RASA3: variants seen among roughly 807,000 people sequenced by gnomAD.
RASA3 encodes ras GTPase-activating protein 3.
A neutral mutation model predicts 110.0 loss-of-function variants in RASA3; 73 were observed. The ratio of observed to expected loss-of-function variants is 0.66; its 90% CI spans 0.55 to 0.81. RASA3 has a LOEUF of 0.81. RASA3 is among the 30% of genes least tolerant of loss of function. RASA3 has a pLI of 0.00. For synonymous variants in RASA3, 500 were observed against 451.4 expected (o/e 1.11, Z -1.37); for missense variants, 976 against 1,113.2 (o/e 0.88, Z 1.75).
chr13:114,026,419 G>A (rs1260012120), intron 7 of RASA3, among the ~76,000 whole-genome samples: 2 of 152,236 alleles, frequency 1.3e-5, no homozygotes, highest in African/African-American at 2.4e-5. Context: ...TGAGGCTTCC[G>A]TTTGAGACAG....
chr13:114,068,171 G>T lies in RASA3; in HGVS notation c.173+5549C>A, dbSNP rs373799002. Among the ~76,000 whole-genome samples, 11 of 152,336 alleles carry T rather than the reference G, an allele frequency of 7.2e-5. No individual in the cohort carries two copies. The South Asian group carries it at 2.3e-3, about 32-fold the overall frequency. Reference sequence around the variant, plus strand: ...GGCCACGGCCCCTTCTCCCCGAGATGGGCATGCAAATGAACCCTGCAAAGG... The same window carrying T: ...GGCCACGGCCCCTTCTCCCCGAGATTGGCATGCAAATGAACCCTGCAAAGG... On this transcript the variant is annotated intron_variant, in intron 2 of 23. Transcript: ENST00000334062.
At chr13:114,101,891 C>T (rs1340954471) in intron 1 of RASA3, among the ~76,000 whole-genome samples, 1 of 152,150 alleles carries the variant, frequency 6.6e-6, no homozygotes, top group Non-Finnish European at 1.5e-5. Context: ...CCCTGGACCA[C>T]GGCACAAGGA....
chr13:114,016,277 G>GA lies in RASA3; in HGVS notation c.1207-7dup, dbSNP rs1275808105. On this transcript the variant is annotated splice_polypyrimidine_tract_variant and splice_region_variant and intron_variant, in intron 12 of 23. Transcript: ENST00000334062. Reference sequence around the variant, plus strand: ...GGTTTGTGGCTCTGGCATATCTGGGGAGAGGTTTAAGACAGGGCTCTGTGA... The same window carrying GA: ...GGTTTGTGGCTCTGGCATATCTGGGGAAGAGGTTTAAGACAGGGCTCTGTGA... 1.3e-6 allele frequency: 2 copies of GA among 1,580,096 alleles called. No homozygotes were observed. The highest frequency in any genetic ancestry group is 2.7e-5 in the African/African-American group (2 of 74,102).
Position 113,981,660 on chromosome 13 carries a change from G to C in RASA3, c.2429+15C>G. 6.2e-7 allele frequency: 1 copy of C among 1,604,592 alleles called. No homozygotes were observed. Among genetic ancestry groups the C allele is most frequent in the South Asian group, 1.1e-5 (1 of 90,726 alleles). On this transcript the variant is annotated intron_variant, in intron 23 of 23. Coordinates refer to ENST00000334062, the MANE Select transcript of RASA3 (RefSeq NM_007368.4). The stretch of plus-strand genomic sequence containing the variant: ...TACACTGGCCGTCCAGGGCAGGCAC[G>C]GGAGTGGCACTCACTGGCTTCCATA...
chr13:114,015,246 G>C lies in RASA3; in HGVS notation c.1368C>G (p.Phe456Leu). ...VSCPTVMCDIFFSLREAAAKR... is the reference protein window; with the variant it reads ...VSCPTVMCDILFSLREAAAKR... ...TGGCCGCCGCCTCCCGGAGGGAGAAGAAGATGTCACACATGACGGTCGGGC... is the reference window on the plus strand; with the variant it reads ...TGGCCGCCGCCTCCCGGAGGGAGAACAAGATGTCACACATGACGGTCGGGC... Residue 456 changes from phenylalanine (F) to leucine (L), a missense_variant, in exon 14 of 24, where the codon TTC becomes TTG. Phe to Leu is a conservative substitution (Grantham distance 22, BLOSUM62 0). Coordinates refer to ENST00000334062, the MANE Select transcript of RASA3 (RefSeq NM_007368.4). 6.2e-7 allele frequency: 1 copy of C among 1,613,202 alleles called. No homozygotes were observed. The highest frequency in any genetic ancestry group is 1.3e-5 in the African/African-American group (1 of 75,062).
chr13:114,104,716 G>A (rs368295002), intron 1 of RASA3, among the ~76,000 whole-genome samples: 2 of 152,136 alleles, frequency 1.3e-5, no homozygotes, highest in South Asian at 2.1e-4. Flanking sequence ...TTGGTTTTCC[G>A]TTCCTTATTT....
At chr13:114,107,230 G>A (rs989431517) in intron 1 of RASA3, among the ~76,000 whole-genome samples, 3 of 152,066 alleles carry the variant, frequency 2.0e-5, no homozygotes, top group African/African-American at 7.2e-5. Context: ...GGACAGGCCT[G>A]TGTGTCCCAC....
chr13:114,117,971 A>G (rs561716141), intron 1 of RASA3, among the ~76,000 whole-genome samples: 1 of 151,860 alleles, frequency 6.6e-6, no homozygotes, highest in African/African-American at 2.4e-5. Context: ...ATGCACACGC[A>G]CCTGTGTGCA....
chr13:114,093,454 G>A (rs1161614147), intron 1 of RASA3, among the ~76,000 whole-genome samples: 1 of 152,234 alleles, frequency 6.6e-6, no homozygotes, highest in Non-Finnish European at 1.5e-5. Context: ...TCCCCAAAAT[G>A]TTGTTTGCTT....
In RASA3 at chr13:113,998,262, C is replaced by CTT. The variant is rs1385393846; in HGVS notation, c.1932+1322_1932+1323insAA. On this transcript the variant is annotated intron_variant, in intron 20 of 23. Transcript: ENST00000334062. ...CCACACCCTCCTCTTCCCATCTCCC[C>CTT]CTCTTCCCAACCCTTCTCTTCCCAG... Among the ~76,000 whole-genome samples, 896 of 152,028 alleles carry CTT rather than the reference C, an allele frequency of 5.9e-3. 2 individuals are homozygous for CTT. Among genetic ancestry groups the CTT allele is most frequent in the African/African-American group, 0.017 (719 of 41,328 alleles).
chr13:114,099,370 G>A (rs1013832353), intron 1 of RASA3, among the ~76,000 whole-genome samples: 4 of 151,918 alleles, frequency 2.6e-5, no homozygotes, highest in Admixed American at 1.3e-4. Flanking sequence ...ATCACACAGG[G>A]ACGGTACAGA....
At chr13:114,122,718 C>T (rs1193194193) in intron 1 of RASA3, among the ~76,000 whole-genome samples, 4 of 151,436 alleles carry the variant, frequency 2.6e-5, no homozygotes, top group South Asian at 2.1e-4. Flanking sequence ...CACAGGGGGA[C>T]GCAGCTAGGA....
chr13:114,063,671 C>T (rs1452216850), intron 2 of RASA3, among the ~76,000 whole-genome samples: 1 of 152,204 alleles, frequency 6.6e-6, no homozygotes, highest in African/African-American at 2.4e-5. Context: ...GTGGTGGGAG[C>T]AGCAGGGGTG....
intron 21 of RASA3, among the ~76,000 whole-genome samples, chr13:113,993,827 A>AAAAAAAG (rs1566450492): frequency 8.0e-6 from 1 of 125,674 alleles, no homozygotes; most frequent in East Asian, 2.5e-4. Flanking sequence ...AAAAAAAAAA[A>AAAAAAAG]AAAAGAAAAG....
At chr13:114,053,051 A>G (rs1355851876) in intron 2 of RASA3, among the ~76,000 whole-genome samples, 20 of 144,298 alleles carry the variant, frequency 1.4e-4, no homozygotes, top group Admixed American at 1.3e-3. Context: ...CTCCTGGGGA[A>G]GAGACCCCCA....
intron 1 of RASA3, among the ~76,000 whole-genome samples, chr13:114,127,766 A>T (rs1332540459): frequency 1.3e-5 from 2 of 152,098 alleles, no homozygotes; most frequent in Admixed American, 1.3e-4. Flanking sequence ...AAAAAAATTA[A>T]TGGACAATAC....
chr13:114,130,405 G>A (rs772928430), intron 1 of RASA3, among the ~76,000 whole-genome samples: 9 of 152,206 alleles, frequency 5.9e-5, no homozygotes, highest in Non-Finnish European at 8.8e-5. Flanking sequence ...CAGGCCCCAC[G>A]TGGGATTAGC....
intron 1 of RASA3, among the ~76,000 whole-genome samples, chr13:114,095,071 A>G (rs558722781): frequency 2.0e-5 from 3 of 152,364 alleles, no homozygotes; most frequent in Middle Eastern, 6.8e-3. Context: ...AAATAATTTT[A>G]TAAGCGGAAT....
At chr13:114,054,975 C>T (rs902731679) in intron 2 of RASA3, among the ~76,000 whole-genome samples, 2 of 138,204 alleles carry the variant, frequency 1.4e-5, no homozygotes, top group African/African-American at 5.4e-5. Context: ...CACGTGTGTG[C>T]CCATGGGTGT....
Sources: gnomAD v4.1 joint callset for allele counts (sites outside exome capture counted in the v4.1 genomes callset) on GRCh38, gnomAD v4.1.1 for gene constraint, MANE v1.5 for transcripts, NCBI Gene and HGNC (gene_info 2026-07-23, HGNC 2026-07-21) for gene names.